KCNK2: variants seen among roughly 807,000 people sequenced by gnomAD.
The protein encoded by KCNK2 is potassium two pore domain channel subfamily K member 2.
Under a neutral mutation model 40.5 loss-of-function variants are expected in KCNK2, and 21 were observed. The observed-to-expected ratio is 0.52, with a 90% CI of 0.37 to 0.75. KCNK2 has a LOEUF of 0.75. KCNK2 is among the 30% of genes least tolerant of loss of function. The pLI, the probability that KCNK2 is intolerant of heterozygous loss-of-function variation, is 0.00. For synonymous variants in KCNK2, 191 were observed against 202.2 expected (o/e 0.94, Z 0.47); for missense variants, 399 against 531.6 (o/e 0.75, Z 2.45).
chr1:215,224,088 T>G (rs942090194), intron 6 of KCNK2, among the ~76,000 whole-genome samples: 3 of 152,168 alleles, frequency 2.0e-5, no homozygotes, highest in Non-Finnish European at 4.4e-5. Flanking sequence ...AGCAGCATAT[T>G]GAAAATGAAA....
chr1:215,032,852 G>A (rs551505018), intron 1 of KCNK2, among the ~76,000 whole-genome samples: 1 of 152,026 alleles, frequency 6.6e-6, no homozygotes, highest in South Asian at 2.1e-4. Context: ...AATATGCCTA[G>A]GTGTAGGTTT....
chr1:215,178,504 T>C (rs911177006), intron 5 of KCNK2, among the ~76,000 whole-genome samples: 17 of 152,336 alleles, frequency 1.1e-4, no homozygotes, highest in African/African-American at 4.1e-4. Flanking sequence ...TTGCCATAGA[T>C]GGCTCTTATT....
At chr1:215,203,897 G>A (rs1665187297) in intron 6 of KCNK2, among the ~76,000 whole-genome samples, 1 of 151,846 alleles carries the variant, frequency 6.6e-6, no homozygotes, top group African/African-American at 2.4e-5. Context: ...AATTAGCCGG[G>A]TGCGGTGGCG....
chr1:215,209,386 T>TGC (rs1447295998), intron 6 of KCNK2, among the ~76,000 whole-genome samples: 5 of 49,982 alleles, frequency 1.0e-4, no homozygotes, highest in Non-Finnish European at 1.7e-4. Flanking sequence ...ATATAAAATA[T>TGC]ATATATTATA....
intron 2 of KCNK2, among the ~76,000 whole-genome samples, chr1:215,089,215 C>CATTAAGG (rs1423449674): frequency 3.9e-5 from 6 of 152,166 alleles, no homozygotes; most frequent in Admixed American, 3.9e-4. Context: ...AATACCACAA[C>CATTAAGG]ATTAAGGATT....
At chr1:215,064,334 T>C (rs924788001) in intron 1 of KCNK2, among the ~76,000 whole-genome samples, 5 of 151,984 alleles carry the variant, frequency 3.3e-5, no homozygotes, top group Admixed American at 2.0e-4. Context: ...TTTTTGTTTG[T>C]GTGTGTGTGT....
intron 1 of KCNK2, among the ~76,000 whole-genome samples, chr1:215,011,611 A>AGAGGAATGCACTTACATTCATCCTTC (rs1457909853): frequency 3.9e-5 from 5 of 127,008 alleles, no homozygotes; most frequent in South Asian, 2.8e-4. Context: ...ATTTTTTTTT[A>AGAGGAATGCACTTACATTCATCCTTC]TTTTTATTTT....
chr1:215,171,920 G>GTCTC lies in KCNK2; in HGVS notation c.637-58_637-55dup, dbSNP rs3834061. 2,092 of 885,342 alleles carry GTCTC rather than the reference G, an allele frequency of 2.4e-3. 2 individuals are homozygous for GTCTC. Among genetic ancestry groups the GTCTC allele is most frequent in the Non-Finnish European group, 2.8e-3 (1,699 of 609,848 alleles). The allele number at this position is 885,342 out of a possible 1,614,324, so 54.8% of individuals were successfully genotyped here. A position where few individuals can be genotyped will look rare whatever the true frequency, so the allele number is the denominator to read the frequency against. On this transcript the variant is annotated intron_variant, in intron 4 of 6. Transcript: ENST00000444842. ...AAGTAATTTCTCTCTCTCTCTCTTT[G>GTCTC]TCTCTCTCTCTCTCTCTCTCTCCCC...
rs1450521145 is a variant in KCNK2 at position 215,235,082 on chromosome 1, T to C, written c.1218T>C (p.Tyr406=). The change falls in exon 7 of 7, where the codon TAT becomes TAC. Residue 406 remains tyrosine, a synonymous_variant. Coordinates refer to ENST00000444842, the MANE Select transcript of KCNK2 (RefSeq NM_001017425.3). ...CCTTACTGAAGACTGAGAGTATCTA[T>C]CTGAATGGTTTGACGCCACACTGTG... ...LPPLLKTESI[Y]LNGLTPHCAG... is the part of the protein sequence containing the mutation. 2.5e-6 allele frequency: 4 copies of C among 1,612,562 alleles called. No individual in the cohort carries two copies. In the Admixed American group the frequency reaches 6.7e-5, roughly 27 times the overall value.
At chr1:215,152,892 G>A (rs10779646) in intron 3 of KCNK2, among the ~76,000 whole-genome samples, 85,860 of 152,030 alleles carry the variant, frequency 0.56, 26,298 homozygotes, top group Non-Finnish European at 0.68. Context: ...CTATACCAAC[G>A]CAATTTTAAT....
At chr1:215,029,805 C>T (rs10779634) in intron 1 of KCNK2, among the ~76,000 whole-genome samples, 58,064 of 151,640 alleles carry the variant, frequency 0.38, 11,848 homozygotes, top group South Asian at 0.7. Flanking sequence ...CCACAGTGTA[C>T]TTCCATTCAT....
intron 1 of KCNK2, among the ~76,000 whole-genome samples, chr1:215,074,282 A>C (rs1282307316): frequency 6.6e-6 from 1 of 152,232 alleles, no homozygotes. Context: ...CATGTGGCTC[A>C]TTTAATCATG....
chr1:215,094,163 T>G (rs926933845), intron 2 of KCNK2, among the ~76,000 whole-genome samples: 13 of 151,192 alleles, frequency 8.6e-5, no homozygotes, highest in African/African-American at 2.9e-4. Flanking sequence ...TATGGAGAGA[T>G]AACATGCTGT....
intron 1 of KCNK2, among the ~76,000 whole-genome samples, chr1:215,048,742 C>G (rs1657875030): frequency 6.6e-6 from 1 of 152,180 alleles, no homozygotes; most frequent in Admixed American, 6.5e-5. Context: ...TCCAGCCCTA[C>G]TAATGCATAA....
intron 6 of KCNK2, 117 bp downstream of exon 6, chr1:215,195,209 C>T: frequency 4.7e-6 from 4 of 845,758 alleles, no homozygotes; most frequent in Non-Finnish European, 6.8e-6. Context: ...TTAATATTTT[C>T]TATTTGGCAT....
intron 2 of KCNK2, among the ~76,000 whole-genome samples, chr1:215,094,231 A>G (rs1465218056): frequency 6.6e-6 from 1 of 151,822 alleles, no homozygotes; most frequent in Non-Finnish European, 1.5e-5. Flanking sequence ...CTTCTCATAA[A>G]ACTTTTTGTA....
intron 3 of KCNK2, among the ~76,000 whole-genome samples, chr1:215,135,390 T>C (rs1661857537): frequency 6.6e-6 from 1 of 152,184 alleles, no homozygotes. Flanking sequence ...AAATAGTTTG[T>C]ATATTGAATG....
chr1:215,136,413 A>C (rs1185969428), intron 3 of KCNK2, among the ~76,000 whole-genome samples: 2 of 152,188 alleles, frequency 1.3e-5, no homozygotes, highest in Non-Finnish European at 2.9e-5. Context: ...ATAGCATATA[A>C]TGTTATCTTG....
intron 1 of KCNK2, among the ~76,000 whole-genome samples, chr1:215,044,930 G>T (rs1205349238): frequency 6.6e-6 from 1 of 152,070 alleles, no homozygotes; most frequent in Non-Finnish European, 1.5e-5. Flanking sequence ...CAGCACTTTG[G>T]GAGGCCTAGG....
Sources: gnomAD v4.1 joint callset for allele counts (sites outside exome capture counted in the v4.1 genomes callset) on GRCh38, gnomAD v4.1.1 for gene constraint, MANE v1.5 for transcripts, NCBI Gene and HGNC (gene_info 2026-07-23, HGNC 2026-07-21) for gene names.